SCMH1: variants seen among roughly 807,000 people sequenced by gnomAD.
The protein encoded by SCMH1 is Scm polycomb group protein homolog 1.
A neutral mutation model predicts 70.8 loss-of-function variants in SCMH1; 37 were observed. The observed-to-expected ratio is 0.52, with a 90% CI of 0.40 to 0.69. SCMH1 has a LOEUF of 0.69. Ranked by LOEUF, SCMH1 falls within the 30% of genes least tolerant of loss-of-function variation. The pLI is 0.00. For synonymous variants in SCMH1, 292 were observed against 307.4 expected, an observed-to-expected ratio of 0.95 and a Z score of 0.52; for missense variants, 607 against 827.3, an observed-to-expected ratio of 0.73 and a Z score of 3.27.
intron 6 of SCMH1, among the ~76,000 whole-genome samples, chr1:41,120,503 GTTCT>G (rs1671661482): frequency 6.6e-6 from 1 of 152,108 alleles, no homozygotes; most frequent in South Asian, 2.1e-4. Flanking sequence ...AAACTTTGTG[GTTCT>G]TTACTATGTT....
chr1:41,033,612 G>T (rs893708632), intron 13 of SCMH1, among the ~76,000 whole-genome samples: 3 of 152,162 alleles, frequency 2.0e-5, no homozygotes, highest in African/African-American at 4.8e-5. Context: ...AGGGCTTGTT[G>T]TCTCAGTCTG....
rs542624280 is a variant in SCMH1 at position 41,217,815 on chromosome 1, G to A, written c.-118+24244C>T. The stretch of plus-strand genomic sequence containing the variant: ...CCACCCCAGCAGTCCAGAGGACAGA[G>A]AATCAAGCCAGAGAGAATTATTCTC... On this transcript the variant is annotated intron_variant, in intron 1 of 14. Transcript: ENST00000337495. Among the ~76,000 whole-genome samples the A allele has an allele frequency of 2.6e-5, 4 of 152,338 alleles. No individual in the cohort carries two copies. The East Asian group carries it at 5.8e-4, about 22-fold the overall frequency.
chr1:41,234,559 C>T (rs571832076), intron 1 of SCMH1, among the ~76,000 whole-genome samples: 10 of 150,012 alleles, frequency 6.7e-5, no homozygotes, highest in Non-Finnish European at 1.5e-4. Flanking sequence ...GCTCCGCCTC[C>T]CGCCTCCCAC....
chr1:41,199,853 C>T (rs1350552480), intron 1 of SCMH1, among the ~76,000 whole-genome samples: 1 of 152,126 alleles, frequency 6.6e-6, no homozygotes, highest in Admixed American at 6.5e-5. Context: ...CAAACCTGCA[C>T]GTGTACCCCC....
At chr1:41,220,143 T>C (rs1329322590) in intron 1 of SCMH1, among the ~76,000 whole-genome samples, 1 of 152,222 alleles carries the variant, frequency 6.6e-6, no homozygotes, top group Non-Finnish European at 1.5e-5. Flanking sequence ...GTAAGGTACT[T>C]GCCAGGTATT....
intron 2 of SCMH1, among the ~76,000 whole-genome samples, chr1:41,173,728 GATAA>G (rs1646937559): frequency 6.6e-6 from 1 of 152,040 alleles, no homozygotes; most frequent in African/African-American, 2.4e-5. Flanking sequence ...TCCATCATTA[GATAA>G]ATAGATAAAG....
intron 1 of SCMH1, among the ~76,000 whole-genome samples, chr1:41,193,806 A>T (rs1572968793): frequency 6.6e-6 from 1 of 152,334 alleles, no homozygotes; most frequent in East Asian, 1.9e-4. Flanking sequence ...CCAATGGTAT[A>T]TTATATATTG....
chr1:41,062,481 C>G (rs989157815), intron 10 of SCMH1, among the ~76,000 whole-genome samples: 37 of 151,916 alleles, frequency 2.4e-4, no homozygotes, highest in African/African-American at 8.5e-4. Flanking sequence ...TTGGCTCACA[C>G]CTGTAATCCC....
At chr1:41,100,309 A>G (rs1666226859) in intron 8 of SCMH1, among the ~76,000 whole-genome samples, 1 of 152,024 alleles carries the variant, frequency 6.6e-6, no homozygotes, top group African/African-American at 2.4e-5. Context: ...CTCGTCTCTA[A>G]CAACAACAAA....
At chr1:41,092,019 CTACTT>C (rs1203424310) in intron 8 of SCMH1, among the ~76,000 whole-genome samples, 1 of 152,158 alleles carries the variant, frequency 6.6e-6, no homozygotes, top group Non-Finnish European at 1.5e-5. Context: ...TTGGAAAAAA[CTACTT>C]TAAAGTTCAT....
intron 13 of SCMH1, among the ~76,000 whole-genome samples, chr1:41,029,346 G>A (rs1051469818): frequency 6.6e-6 from 1 of 152,146 alleles, no homozygotes; most frequent in African/African-American, 2.4e-5. Flanking sequence ...CTGAGTAGTT[G>A]GGATTACAGG....
At chr1:41,028,286 T>G in exon 15 of SCMH1, 1 of 1,590,606 alleles carries the variant, frequency 6.3e-7, no homozygotes, top group Non-Finnish European at 8.6e-7. Flanking sequence ...ATCATGTCAC[T>G]GCGCAGCAGC....
rs1009989850 is a variant in SCMH1 at position 41,108,011 on chromosome 1, A to T, written c.745+5272T>A. 6.2e-4 allele frequency among the ~76,000 whole-genome samples: 95 copies of T among 152,358 alleles called. 1 individual carries two copies. Among genetic ancestry groups the T allele is most frequent in the African/African-American group, 2.2e-3 (90 of 41,586 alleles). The stretch of plus-strand genomic sequence containing the variant: ...TTATTACCCTCCAGACCAGTGTAAG[A>T]ATCCTGTACGTGAGCCACGATGTTG... On this transcript the variant is annotated intron_variant, in intron 8 of 14. Transcript: ENST00000337495.
intron 10 of SCMH1, among the ~76,000 whole-genome samples, chr1:41,070,221 TAA>T (rs201661314): frequency 1.4e-5 from 2 of 146,950 alleles, no homozygotes; most frequent in Non-Finnish European, 3.0e-5. Flanking sequence ...CAATGATTGT[TAA>T]AAAAAAAAAA....
chr1:41,067,170 C>T (rs1253254117), intron 10 of SCMH1, among the ~76,000 whole-genome samples: 1 of 151,962 alleles, frequency 6.6e-6, no homozygotes, highest in Admixed American at 6.6e-5. Flanking sequence ...ATCGGCCAGG[C>T]GTGGTGGTTC....
intron 10 of SCMH1, among the ~76,000 whole-genome samples, chr1:41,057,596 A>G (rs1471917914): frequency 6.6e-6 from 1 of 152,094 alleles, no homozygotes; most frequent in Non-Finnish European, 1.5e-5. Context: ...GTTATCACAC[A>G]AAAAAGGTAT....
At chr1:41,195,014 C>T (rs1652661975) in intron 1 of SCMH1, among the ~76,000 whole-genome samples, 4 of 151,536 alleles carry the variant, frequency 2.6e-5, no homozygotes, top group African/African-American at 9.7e-5. Flanking sequence ...GCCTGTAATC[C>T]CACCTACCGG....
chr1:41,226,208 C>G (rs971032026), intron 1 of SCMH1, among the ~76,000 whole-genome samples: 1 of 152,076 alleles, frequency 6.6e-6, no homozygotes, highest in Non-Finnish European at 1.5e-5. Flanking sequence ...TTTCATCTTT[C>G]TAGTAATTCA....
chr1:41,126,237 A>C (rs1012386254), intron 6 of SCMH1, among the ~76,000 whole-genome samples: 1 of 152,184 alleles, frequency 6.6e-6, no homozygotes, highest in Admixed American at 6.5e-5. Context: ...TTTCCTTAGA[A>C]TATGCCCCAT....
Sources: gnomAD v4.1 joint callset for allele counts (sites outside exome capture counted in the v4.1 genomes callset) on GRCh38, gnomAD v4.1.1 for gene constraint, MANE v1.5 for transcripts, NCBI Gene and HGNC (gene_info 2026-07-23, HGNC 2026-07-21) for gene names.